The following NCKAP1 variants were observed in gnomAD, a reference collection of about 807,000 sequenced individuals.
NCKAP1 encodes the protein nck-associated protein 1.
In NCKAP1, 21 loss-of-function variants were observed where a neutral mutation model predicts 151.2. That is an observed-to-expected ratio of 0.14 (90% CI 0.10 to 0.20). The LOEUF (loss-of-function observed/expected upper bound fraction) is 0.20, where lower values mean the gene tolerates loss of function less well. Ranked by LOEUF, NCKAP1 falls within the 10% of genes least tolerant of loss-of-function variation. The pLI, the probability that NCKAP1 is intolerant of heterozygous loss-of-function variation, is 1.00. For synonymous variants in NCKAP1, 484 were observed against 451.8 expected (o/e 1.07, Z -0.90); for missense variants, 933 against 1,352.1 (o/e 0.69, Z 4.86).
At chr2:182,947,139 G>A (rs1361538925) in intron 23 of NCKAP1, 1 of 152,226 alleles carries the variant, frequency 6.6e-6, no homozygotes, top group Non-Finnish European at 1.5e-5. Context: ...TCTTTCTCCA[G>A]AGAAGATCTG....
At chr2:182,956,632 C>T (rs765306845) in intron 19 of NCKAP1, 39 bp from the exon 20 acceptor site, 1 of 1,554,914 alleles carries the variant, frequency 6.4e-7, no homozygotes, top group Non-Finnish European at 8.7e-7. Context: ...GTTCACATGT[C>T]ATCACAGGCA....
At position 182,934,761 on chromosome 2, in the gene NCKAP1, A is replaced by T. The variant is rs1443473338; in HGVS notation, c.2850T>A (p.Thr950=). The change falls in exon 26 of 31, where the codon ACT becomes ACA. Residue 950 remains threonine, a synonymous_variant. Coordinates refer to ENST00000361354, the MANE Select transcript of NCKAP1 (RefSeq NM_013436.5). Reference sequence around the variant, plus strand: ...TAAATTATATTATTACCTTCATATCAGTTTCCCTTGGAATGTGATCCTTAA... The same window carrying T: ...TAAATTATATTATTACCTTCATATCTGTTTCCCTTGGAATGTGATCCTTAA... ...EDFKDHIPRE[T]DMKVAMNVYE... is the part of the protein sequence containing the mutation. The T allele has an allele frequency of 2.1e-6, 3 of 1,448,654 alleles. No homozygotes were observed. The highest frequency in any genetic ancestry group is 4.6e-5 in the East Asian group (2 of 43,016). The allele number at this position is 1,448,654 out of a possible 1,614,324, so 89.7% of individuals were successfully genotyped here. A position where few individuals can be genotyped will look rare whatever the true frequency, so the allele number is the denominator to read the frequency against.
intron 6 of NCKAP1, among the ~76,000 whole-genome samples, chr2:182,997,012 T>C (rs1698283210): frequency 6.6e-6 from 1 of 152,208 alleles, no homozygotes; most frequent in Non-Finnish European, 1.5e-5. Flanking sequence ...CCACTTCCTC[T>C]AGATTTTCTA....
In NCKAP1 at chr2:182,919,689, T is replaced by C. The variant is rs1271778377; in HGVS notation, c.*6013A>G. 4 of 151,826 alleles carry C rather than the reference T, an allele frequency of 2.6e-5. No individual in the cohort carries two copies. The highest frequency in any genetic ancestry group is 4.4e-5 in the Non-Finnish European group (3 of 67,958). The allele number at this position is 151,826 out of a possible 1,614,324, so 9.4% of individuals were successfully genotyped here. On this transcript the variant is annotated 3_prime_UTR_variant, in exon 31 of 31. Coordinates refer to ENST00000361354, the MANE Select transcript of NCKAP1 (RefSeq NM_013436.5). The stretch of plus-strand genomic sequence containing the variant: ...TTTTTTGAGACAGAGTCTTGTTCTG[T>C]TGCCCAGGCTGGAGTGCAGTGGCAT...
chr2:182,950,327 G>C (rs969403913), intron 23 of NCKAP1, among the ~76,000 whole-genome samples: 1 of 152,060 alleles, frequency 6.6e-6, no homozygotes, highest in African/African-American at 2.4e-5. Flanking sequence ...GATAATTCTA[G>C]AAGTGCCTAG....
chr2:183,036,625 G>T (rs564790390), intron 1 of NCKAP1, among the ~76,000 whole-genome samples: 5 of 152,104 alleles, frequency 3.3e-5, no homozygotes, highest in African/African-American at 9.7e-5. Flanking sequence ...AACTGAGTAA[G>T]CATGTTGCAG....
rs1488352597 is a variant in NCKAP1, at chr2:182,921,345, T to A, written c.*4357A>T. The A allele has an allele frequency of 1.3e-5, 2 of 152,186 alleles. No homozygotes were observed. The highest frequency in any genetic ancestry group is 2.9e-5 in the Non-Finnish European group (2 of 68,026). 9.4% of individuals were successfully genotyped at this position (152,186 alleles called of 1,614,324 possible). On this transcript the variant is annotated 3_prime_UTR_variant, in exon 31 of 31. Coordinates refer to ENST00000361354, the MANE Select transcript of NCKAP1 (RefSeq NM_013436.5). ...TGGTAATCTTCAGTTTAGGTCTTGG[T>A]GAAATAATTTCAAGCCTTAGCCATT...
rs1452294551 is a variant in NCKAP1 at position 182,919,492 on chromosome 2, G to C, written c.*6210C>G. On this transcript the variant is annotated 3_prime_UTR_variant, in exon 31 of 31. Coordinates refer to ENST00000361354, the MANE Select transcript of NCKAP1 (RefSeq NM_013436.5). ...CGTAAGTTATGGTCATACCTAATTA[G>C]TATGACATTCTGATTATTAACTGGA... is the stretch of plus-strand genomic sequence containing the variant. 1.3e-5 allele frequency: 2 copies of C among 152,066 alleles called. No individual in the cohort carries two copies. The highest frequency in any genetic ancestry group is 2.9e-5 in the Non-Finnish European group (2 of 68,024). 9.4% of individuals were successfully genotyped at this position (152,066 alleles called of 1,614,324 possible).
Position 182,913,146 on chromosome 2 carries a change from A to G in NCKAP1, c.*12556T>C, listed in dbSNP as rs988963596. On this transcript the variant is annotated 3_prime_UTR_variant, in exon 31 of 31. Coordinates refer to ENST00000361354, the MANE Select transcript of NCKAP1 (RefSeq NM_013436.5). The stretch of plus-strand genomic sequence containing the variant: ...ACATGTAAAGTCTGTCTCCTCCACT[A>G]TATTATAAGCTCTGTGACATCAAGG... 1.3e-5 allele frequency: 2 copies of G among 152,182 alleles called. No homozygotes were observed. The highest frequency in any genetic ancestry group is 2.4e-5 in the African/African-American group (1 of 41,442). The allele number at this position is 152,182 out of a possible 1,614,324, so 9.4% of individuals were successfully genotyped here. A position where few individuals can be genotyped will look rare whatever the true frequency, so the allele number is the denominator to read the frequency against.
At chr2:182,960,122 G>A (rs1697414203) in intron 18 of NCKAP1, among the ~76,000 whole-genome samples, 2 of 152,130 alleles carry the variant, frequency 1.3e-5, no homozygotes, top group African/African-American at 4.8e-5. Context: ...CTCATGGGTA[G>A]GAAGAATCAA....
At chr2:182,929,118 A>C (rs1052153541) in intron 27 of NCKAP1, among the ~76,000 whole-genome samples, 3 of 151,998 alleles carry the variant, frequency 2.0e-5, no homozygotes, top group Admixed American at 2.0e-4. Context: ...TCAACTACTT[A>C]GGCATATTTC....
Position 182,995,764 on chromosome 2 carries a change from A to G in NCKAP1, c.678T>C (p.Asn226=). ...RRNLSADQWR[N]AQLLSLISAP... ...CACTGATGAGGCTCAATAACTGGGC[A>G]TTTCTCCACTGGTCAGCTGAAAGAT... The change falls in exon 7 of 31, where the codon AAT becomes AAC. Residue 226 remains asparagine, a synonymous_variant. Coordinates refer to ENST00000361354, the MANE Select transcript of NCKAP1 (RefSeq NM_013436.5). The G allele has an allele frequency of 6.2e-7, 1 of 1,613,728 alleles. No homozygotes were observed. The highest frequency in any genetic ancestry group is 8.5e-7 in the Non-Finnish European group (1 of 1,179,636).
rs963413762 is a variant in NCKAP1 at position 182,980,282 on chromosome 2, T to C, written c.1341+962A>G. On this transcript the variant is annotated intron_variant, in intron 13 of 30. Coordinates refer to ENST00000361354, the MANE Select transcript of NCKAP1 (RefSeq NM_013436.5). The stretch of plus-strand genomic sequence containing the variant: ...AAACTATAGAGTTTAGAATACTAGC[T>C]TGTAACAGCATGTAACTCAAGGTAA... Among the ~76,000 whole-genome samples the C allele has an allele frequency of 3.9e-5, 6 of 151,992 alleles. No individual in the cohort carries two copies. In the East Asian group the frequency reaches 1.2e-3, roughly 29 times the overall value.
At position 183,038,350 on chromosome 2, in the gene NCKAP1, CCCCCACCCCCGGCGCTCTCCG is replaced by C. The variant is rs1378392851; in HGVS notation, c.-272_-252del. On this transcript the variant is annotated 5_prime_UTR_variant, in exon 1 of 31. Coordinates refer to ENST00000361354, the MANE Select transcript of NCKAP1 (RefSeq NM_013436.5). Reference sequence around the variant, plus strand: ...CTGCCTTCCGCCCGCCGCCCTTCCGCCCCCACCCCCGGCGCTCTCCGCCCCAGCCCCCAACGAGCCGCCTTC... The same window carrying C: ...CTGCCTTCCGCCCGCCGCCCTTCCGCCCCCAGCCCCCAACGAGCCGCCTTC... 1 of 311,608 alleles carries C rather than the reference CCCCCACCCCCGGCGCTCTCCG, an allele frequency of 3.2e-6. No individual in the cohort carries two copies. The highest frequency in any genetic ancestry group is 5.8e-6 in the Non-Finnish European group (1 of 171,938). The allele number at this position is 311,608 out of a possible 1,614,324, so 19.3% of individuals were successfully genotyped here. A position where few individuals can be genotyped will look rare whatever the true frequency, so the allele number is the denominator to read the frequency against.
rs889027203 is a variant in NCKAP1 at position 183,017,659 on chromosome 2, T to C, written c.219+6147A>G. On this transcript the variant is annotated intron_variant, in intron 2 of 30. Transcript: ENST00000361354. ...CTGGTACCTGTCTGTGGCCTGGGGGTTGGGGACCCTGATCTAGAGCACAGA... is the reference window on the plus strand; with the variant it reads ...CTGGTACCTGTCTGTGGCCTGGGGGCTGGGGACCCTGATCTAGAGCACAGA... Among the ~76,000 whole-genome samples, 5 of 151,958 alleles carry C rather than the reference T, an allele frequency of 3.3e-5. 1 individual carries two copies. Among genetic ancestry groups the C allele is most frequent in the South Asian group, 4.2e-4 (2 of 4,804 alleles).
chr2:182,933,251 T>C (rs1370701411), intron 26 of NCKAP1, among the ~76,000 whole-genome samples: 1 of 151,840 alleles, frequency 6.6e-6, no homozygotes, highest in African/African-American at 2.4e-5. Flanking sequence ...GTAAAACAGA[T>C]AGATGTGAGA....
At chr2:183,008,525 TATC>T (rs1462795630) in intron 2 of NCKAP1, among the ~76,000 whole-genome samples, 2 of 101,060 alleles carry the variant, frequency 2.0e-5, no homozygotes, top group African/African-American at 5.2e-5. Context: ...TCAGTATAGT[TATC>T]ATATTGGTCT....
intron 1 of NCKAP1, among the ~76,000 whole-genome samples, chr2:183,030,643 G>A (rs1459283830): frequency 6.6e-6 from 1 of 152,076 alleles, no homozygotes; most frequent in East Asian, 1.9e-4. Context: ...AACACCACAC[G>A]TTTTGCAAAA....
chr2:182,932,675 T>A lies in NCKAP1; in HGVS notation c.2860-1887A>T, dbSNP rs546928136. On this transcript the variant is annotated intron_variant, in intron 26 of 30. Transcript: ENST00000361354. ...TTTTGTTTTTTGTTGTTTTTTTTTT[T>A]AAAAGTTAAGTTCTATTGAAAGTTT... is the stretch of plus-strand genomic sequence containing the variant. 2.6e-4 allele frequency among the ~76,000 whole-genome samples: 40 copies of A among 151,980 alleles called. No individual in the cohort carries two copies. In the East Asian group the frequency reaches 7.1e-3, roughly 27 times the overall value.
Sources: gnomAD v4.1 joint callset for allele counts (sites outside exome capture counted in the v4.1 genomes callset) on GRCh38, gnomAD v4.1.1 for gene constraint, MANE v1.5 for transcripts, NCBI Gene and HGNC (gene_info 2026-07-23, HGNC 2026-07-21) for gene names.